ZNF493: variants seen among roughly 807,000 people sequenced by gnomAD.
ZNF493 encodes zinc finger protein 493.
A neutral mutation model predicts 12.2 loss-of-function variants in ZNF493; 11 were observed. That is an observed-to-expected ratio of 0.90 (90% CI 0.57 to 1.50). The LOEUF (loss-of-function observed/expected upper bound fraction) is 1.50. Ranked by LOEUF, ZNF493 falls within the 40% of genes most tolerant of loss-of-function variation. ZNF493 has a pLI of 0.00. For synonymous variants in ZNF493, 286 were observed against 302.6 expected (o/e 0.95, Z 0.57); for missense variants, 950 against 906.6 (o/e 1.05, Z -0.61).
chr19:21,423,802 A>G lies in ZNF493; in HGVS notation c.1143A>G (p.Glu381=). The change falls in exon 4 of 4, where the codon GAA becomes GAG. Residue 381 remains glutamate, a synonymous_variant. Transcript: ENST00000392288. ...HTGEKPYKCE[E]CGKAFSIFST... is the part of the protein sequence containing the mutation. The stretch of plus-strand genomic sequence containing the variant: ...GAGAGAAACCCTACAAATGTGAAGA[A>G]TGTGGCAAAGCCTTTAGTATTTTCT... 6.2e-7 allele frequency: 1 copy of G among 1,613,372 alleles called. No individual in the cohort carries two copies. The highest frequency in any genetic ancestry group is 8.5e-7 in the Non-Finnish European group (1 of 1,179,490).
At chr19:21,410,383 A>G (rs543703166) in intron 3 of ZNF493, among the ~76,000 whole-genome samples, 27 of 152,232 alleles carry the variant, frequency 1.8e-4, no homozygotes, top group African/African-American at 6.0e-4. Flanking sequence ...TGTGCTTAAA[A>G]TTTTATAGTG....
At position 21,426,616 on chromosome 19, in the gene ZNF493, C is replaced by T. The variant is rs977637036; in HGVS notation, c.*1632C>T. ...AAGAGGTCACTCAAACTTTGTTCAA[C>T]ATCAGGGAATTTATATTGGAGAGCT... On this transcript the variant is annotated 3_prime_UTR_variant, in exon 4 of 4. Coordinates refer to ENST00000392288, the MANE Select transcript of ZNF493 (RefSeq NM_001076678.3). 1 of 166,832 alleles carries T rather than the reference C, an allele frequency of 6.0e-6. No homozygotes were observed. Among genetic ancestry groups the T allele is most frequent in the Non-Finnish European group, 1.5e-5 (1 of 68,060 alleles). 10.3% of individuals were successfully genotyped at this position (166,832 alleles called of 1,614,324 possible). A position where few individuals can be genotyped will look rare whatever the true frequency, so the allele number is the denominator to read the frequency against.
At chr19:21,402,883 A>G (rs1298400571) in intron 1 of ZNF493, among the ~76,000 whole-genome samples, 1 of 152,214 alleles carries the variant, frequency 6.6e-6, no homozygotes, top group Non-Finnish European at 1.5e-5. Flanking sequence ...GTAAATTGTA[A>G]TAATGGAGTA....
intron 3 of ZNF493, among the ~76,000 whole-genome samples, chr19:21,409,599 G>T (rs1368022386): frequency 1.3e-5 from 2 of 151,986 alleles, no homozygotes; most frequent in Non-Finnish European, 2.9e-5. Context: ...TTTAAAAATA[G>T]CCAGGCGTGG....
intron 1 of ZNF493, chr19:21,398,573 C>G (rs1288875368): frequency 7.2e-6 from 3 of 415,080 alleles, no homozygotes; most frequent in Admixed American, 2.8e-5. Context: ...GCTAGAGTGT[C>G]CATTGGATCT....
chr19:21,413,392 A>T (rs540270021), intron 3 of ZNF493: 190 of 407,484 alleles, frequency 4.7e-4, no homozygotes, highest in African/African-American at 3.6e-3. Context: ...AGGAATACTC[A>T]TGGCAATGGT....
rs548489125 is a variant in ZNF493, at chr19:21,426,441, A to G, written c.*1457A>G. 6.0e-6 allele frequency: 1 copy of G among 167,952 alleles called. No homozygotes were observed. The highest frequency in any genetic ancestry group is 1.9e-4 in the East Asian group (1 of 5,208). The allele number at this position is 167,952 out of a possible 1,614,324, so 10.4% of individuals were successfully genotyped here. ...TAATAAAAGCATGATAAGTGCAATT[A>G]CTGCCAAAAGATCTTTCAGAAAATA... On this transcript the variant is annotated 3_prime_UTR_variant, in exon 4 of 4. Transcript: ENST00000392288.
rs775221548 is a variant in ZNF493, at chr19:21,423,022, G to T, written c.363G>T (p.Gln121His). 5.6e-6 allele frequency: 9 copies of T among 1,613,018 alleles called. No homozygotes were observed. The highest frequency in any genetic ancestry group is 1.6e-4 in the Middle Eastern group (1 of 6,070). Residue 121 changes from glutamine (Q) to histidine (H), a missense_variant, in exon 4 of 4, where the codon CAG (glutamine) becomes CAT (histidine). Coordinates refer to ENST00000392288, the MANE Select transcript of ZNF493 (RefSeq NM_001076678.3). ...EYVKCGHKDLQLRKGCKSMNE... is the reference protein window; with the variant it reads ...EYVKCGHKDLHLRKGCKSMNE... ...TAAAATGTGGACATAAGGATTTACA[G>T]TTAAGAAAAGGATGTAAAAGTATGA...
In ZNF493 at chr19:21,408,081, T is replaced by A. The variant is rs1015532015; in HGVS notation, c.253+2225T>A. The A allele has an allele frequency of 5.1e-6, 5 of 984,858 alleles. No individual in the cohort carries two copies. The African/African-American group carries it at 8.8e-5, about 17-fold the overall frequency. The allele number at this position is 984,858 out of a possible 1,614,324, so 61.0% of individuals were successfully genotyped here. A position where few individuals can be genotyped will look rare whatever the true frequency, so the allele number is the denominator to read the frequency against. On this transcript the variant is annotated intron_variant, in intron 3 of 3. Transcript: ENST00000392288. ...CATTAGGGTCCATATTTAGTTGTCA[T>A]GTTACAAGAGGCTTGGGTAGTTGTA...
chr19:21,413,482 TGTG>T, intron 3 of ZNF493: 1 of 405,538 alleles, frequency 2.5e-6, no homozygotes, highest in South Asian at 1.1e-4. Context: ...TTCCGCCATC[TGTG>T]ACAGCTTCTT....
rs142288436 is a variant in ZNF493, at chr19:21,424,450, T to C, written c.1791T>C (p.Asp597=). Residue 597 remains aspartate (D), a synonymous_variant, in exon 4 of 4, where the codon GAT becomes GAC. Transcript: ENST00000392288. ...TLTKHKIIHT[D]KKPYKCEECG... is the part of the protein sequence containing the mutation. The stretch of plus-strand genomic sequence containing the variant: ...CTAAACACAAGATAATTCATACTGA[T>C]AAGAAACCCTACAAATGTGAAGAAT... 6 of 1,578,482 alleles carry C rather than the reference T, an allele frequency of 3.8e-6. No individual in the cohort carries two copies. The Admixed American group carries it at 5.3e-5, about 14-fold the overall frequency.
At chr19:21,408,681 A>G (rs1353167917) in intron 3 of ZNF493, 1 of 985,074 alleles carries the variant, frequency 1.0e-6, no homozygotes, top group Non-Finnish European at 1.2e-6. Flanking sequence ...TAGGTATCTT[A>G]ATATCAGCTT....
chr19:21,423,779 G>T lies in ZNF493; in HGVS notation c.1120G>T (p.Glu374Ter), dbSNP rs1466354669. The change falls in exon 4 of 4, where the codon GAG becomes TAG. Residue 374 changes from glutamate (E) to a stop codon, truncating the protein, a stop_gained. Coordinates refer to ENST00000392288, the MANE Select transcript of ZNF493 (RefSeq NM_001076678.3). LOFTEE classifies it low-confidence loss of function (END_TRUNC). ...LTTHKRIHTG[E>*]KPYKCEECGK... ...TACACATAAAAGAATTCATACTGGA[G>T]AGAAACCCTACAAATGTGAAGAATG... 1 of 1,612,418 alleles carries T rather than the reference G, an allele frequency of 6.2e-7. No individual in the cohort carries two copies. The highest frequency in any genetic ancestry group is 1.3e-5 in the African/African-American group (1 of 74,646).
chr19:21,418,525 C>T (rs920313339), intron 3 of ZNF493, among the ~76,000 whole-genome samples: 8 of 152,124 alleles, frequency 5.3e-5, no homozygotes, highest in East Asian at 1.9e-4. Flanking sequence ...CCATGATGGA[C>T]GCCACTTGCT....
rs1568385164 is a variant in ZNF493, at chr19:21,425,812, C to T, written c.*828C>T. On this transcript the variant is annotated 3_prime_UTR_variant, in exon 4 of 4. Transcript: ENST00000392288. The stretch of plus-strand genomic sequence containing the variant: ...TGTGGCAAAGCCTTTATCCAGTCCT[C>T]AACTCCTAGTAAACATAATTAATGA... 1.1e-5 allele frequency: 6 copies of T among 564,014 alleles called. No homozygotes were observed. Among genetic ancestry groups the T allele is most frequent in the Non-Finnish European group, 2.1e-5 (6 of 288,334 alleles). 34.9% of individuals were successfully genotyped at this position (564,014 alleles called of 1,614,324 possible).
intron 3 of ZNF493, chr19:21,412,758 G>A (rs548927379): frequency 1.8e-5 from 5 of 279,882 alleles, no homozygotes; most frequent in South Asian, 6.3e-5. Flanking sequence ...AACATCAGGT[G>A]TGCTTGGGAT....
chr19:21,398,888 A>T (rs1040837234), intron 1 of ZNF493: 1 of 154,606 alleles, frequency 6.5e-6, no homozygotes, highest in African/African-American at 2.4e-5. Context: ...AAAAGAGTAA[A>T]AAAAAAAAAG....
At chr19:21,419,012 C>G (rs2030575921) in intron 3 of ZNF493, among the ~76,000 whole-genome samples, 1 of 152,124 alleles carries the variant, frequency 6.6e-6, no homozygotes, top group Non-Finnish European at 1.5e-5. Flanking sequence ...GGGGCCTGTT[C>G]CCAACATGTA....
At chr19:21,405,461 T>A (rs12462591) in intron 2 of ZNF493, 2 of 1,394,766 alleles carry the variant, frequency 1.4e-6, no homozygotes, top group Admixed American at 3.2e-5. Context: ...TCTGAGCCGG[T>A]CTGTATCCTT....
Sources: gnomAD v4.1 joint callset for allele counts (sites outside exome capture counted in the v4.1 genomes callset) on GRCh38, gnomAD v4.1.1 for gene constraint, MANE v1.5 for transcripts, NCBI Gene and HGNC (gene_info 2026-07-23, HGNC 2026-07-21) for gene names.